Variants in KCNIP1 observed in about 807,000 individuals in gnomAD.
KCNIP1 encodes the protein potassium voltage-gated channel interacting protein 1.
Under a neutral mutation model 33.0 loss-of-function variants are expected in KCNIP1, and 18 were observed. The observed-to-expected ratio is 0.55, with a 90% CI of 0.38 to 0.81. The LOEUF (loss-of-function observed/expected upper bound fraction) is 0.81, where lower values mean the gene tolerates loss of function less well. Among genes scored for constraint, KCNIP1 ranks in the 30% least tolerant of loss-of-function variants. KCNIP1 has a pLI of 0.00. For missense variants in KCNIP1, 238 were observed against 271.6 expected (o/e 0.88, Z 0.87); for synonymous variants, 93 against 98.3 (o/e 0.95, Z 0.32).
chr5:170,577,834 C>CATTT (rs1482499280), intron 1 of KCNIP1, among the ~76,000 whole-genome samples: 4 of 152,156 alleles, frequency 2.6e-5, no homozygotes, highest in African/African-American at 9.7e-5. Flanking sequence ...TTGAAAGTCA[C>CATTT]CTAAATGTTT....
intron 1 of KCNIP1, among the ~76,000 whole-genome samples, chr5:170,601,337 C>T (rs573378840): frequency 1.3e-5 from 2 of 150,910 alleles, no homozygotes; most frequent in East Asian, 3.9e-4. Context: ...CAGTCAGCTG[C>T]CAGCTATCCC....
intron 1 of KCNIP1, among the ~76,000 whole-genome samples, chr5:170,368,559 G>A (rs139491483): frequency 6.6e-5 from 10 of 152,214 alleles, no homozygotes; most frequent in Admixed American, 3.9e-4. Context: ...CACCGTGCCC[G>A]GCCTAAAGTT....
chr5:170,488,315 G>A (rs1447514872), intron 1 of KCNIP1, among the ~76,000 whole-genome samples: 1 of 152,178 alleles, frequency 6.6e-6, no homozygotes, highest in African/African-American at 2.4e-5. Flanking sequence ...AGGGCTTCTC[G>A]AAGGGCAGAG....
At chr5:170,497,901 G>GCCATC (rs1254755458) in intron 1 of KCNIP1, among the ~76,000 whole-genome samples, 3 of 152,252 alleles carry the variant, frequency 2.0e-5, no homozygotes, top group African/African-American at 7.2e-5. Flanking sequence ...TGGCAGCGCA[G>GCCATC]AAGCGTGCAG....
At chr5:170,429,683 A>C (rs116135453) in intron 1 of KCNIP1, among the ~76,000 whole-genome samples, 1 of 152,102 alleles carries the variant, frequency 6.6e-6, no homozygotes, top group African/African-American at 2.4e-5. Flanking sequence ...TATACAGGTT[A>C]TTTATCTCCC....
intron 1 of KCNIP1, among the ~76,000 whole-genome samples, chr5:170,364,282 A>T (rs1219526002): frequency 2.0e-5 from 3 of 152,228 alleles, no homozygotes; most frequent in African/African-American, 7.2e-5. Context: ...CTGGGATTCC[A>T]GGCTGCCATA....
chr5:170,450,661 A>G (rs574278629), intron 1 of KCNIP1, among the ~76,000 whole-genome samples: 2 of 152,158 alleles, frequency 1.3e-5, no homozygotes, highest in East Asian at 3.9e-4. Context: ...TCAAGAATTA[A>G]AGATTTGACC....
intron 1 of KCNIP1, among the ~76,000 whole-genome samples, chr5:170,452,657 A>C (rs1756282096): frequency 6.6e-6 from 1 of 152,160 alleles, no homozygotes; most frequent in Admixed American, 6.5e-5. Flanking sequence ...ACTTTTAATC[A>C]AATCTGTCTT....
chr5:170,461,729 G>A (rs1213841765), intron 1 of KCNIP1, among the ~76,000 whole-genome samples: 3 of 134,356 alleles, frequency 2.2e-5, no homozygotes, highest in Non-Finnish European at 4.7e-5. Context: ...CAGCCCGGGC[G>A]ACAAAACGAG....
At chr5:170,440,870 G>A (rs1310267694) in intron 1 of KCNIP1, among the ~76,000 whole-genome samples, 4 of 152,144 alleles carry the variant, frequency 2.6e-5, no homozygotes, top group Admixed American at 6.5e-5. Context: ...TGAAGCTTCC[G>A]CTCTGGACAG....
chr5:170,402,733 G>C (rs907102803), intron 1 of KCNIP1, among the ~76,000 whole-genome samples: 1 of 152,222 alleles, frequency 6.6e-6, no homozygotes, highest in Admixed American at 6.5e-5. Context: ...TGAAGGCTCA[G>C]TGGCTTCTCA....
intron 1 of KCNIP1, among the ~76,000 whole-genome samples, chr5:170,516,786 C>T (rs1216245867): frequency 2.0e-5 from 3 of 152,232 alleles, no homozygotes; most frequent in Non-Finnish European, 4.4e-5. Flanking sequence ...ATATCAGCTT[C>T]TTCATCTGTT....
At chr5:170,374,308 G>T (rs937682932) in intron 1 of KCNIP1, among the ~76,000 whole-genome samples, 1 of 152,182 alleles carries the variant, frequency 6.6e-6, no homozygotes, top group African/African-American at 2.4e-5. Context: ...GGGGTAGGGA[G>T]GGAGAATGGC....
chr5:170,592,121 TG>T (rs1431022009), intron 1 of KCNIP1, among the ~76,000 whole-genome samples: 1 of 152,242 alleles, frequency 6.6e-6, no homozygotes, highest in Non-Finnish European at 1.5e-5. Flanking sequence ...TATTTTCTGT[TG>T]CTGCTGTTTG....
At chr5:170,674,169 AAGGAAGG>A in intron 1 of KCNIP1, among the ~76,000 whole-genome samples, 1 of 53,370 alleles carries the variant, frequency 1.9e-5, no homozygotes, top group Non-Finnish European at 3.2e-5. Context: ...GGAAGGAAGG[AAGGAAGG>A]AAGGAAGGGA....
At chr5:170,668,202 G>A (rs752722216) in intron 1 of KCNIP1, among the ~76,000 whole-genome samples, 8 of 152,256 alleles carry the variant, frequency 5.3e-5, no homozygotes, top group Non-Finnish European at 1.2e-4. Flanking sequence ...CAAGCCACAG[G>A]CAGAAAGAGT....
chr5:170,498,049 G>A (rs1200392219), intron 1 of KCNIP1, among the ~76,000 whole-genome samples: 2 of 152,248 alleles, frequency 1.3e-5, no homozygotes, highest in African/African-American at 4.8e-5. Context: ...GGCCATGCTT[G>A]ATGCATAAGG....
chr5:170,669,597 C>A, intron 1 of KCNIP1: 1 of 985,238 alleles, frequency 1.0e-6, no homozygotes, highest in Non-Finnish European at 1.2e-6. Context: ...GTGTGGATAC[C>A]GCTGGATCAG....
chr5:170,458,764 C>T (rs544773851), intron 1 of KCNIP1, among the ~76,000 whole-genome samples: 2 of 152,268 alleles, frequency 1.3e-5, no homozygotes, highest in East Asian at 1.9e-4. Flanking sequence ...ATAAATCTCA[C>T]AGAAACTATA....
Sources: gnomAD v4.1 joint callset for allele counts (sites outside exome capture counted in the v4.1 genomes callset) on GRCh38, gnomAD v4.1.1 for gene constraint, MANE v1.5 for transcripts, NCBI Gene and HGNC (gene_info 2026-07-23, HGNC 2026-07-21) for gene names.